The following RBFOX1 variants were observed in gnomAD, a reference collection of about 807,000 sequenced individuals.
RBFOX1 encodes the protein RNA binding protein fox-1 homolog 1.
In RBFOX1, 8 loss-of-function variants were observed where a neutral mutation model predicts 57.7. The ratio of observed to expected loss-of-function variants is 0.14; its 90% CI spans 0.08 to 0.25. The LOEUF is 0.25. RBFOX1 is among the 10% of genes least tolerant of loss of function. The probability of loss-of-function intolerance (pLI) is 1.00; values close to 1 mark genes in which losing one functional copy is unlikely to be tolerated. For synonymous variants in RBFOX1, 326 were observed against 222.4 expected (o/e 1.47, Z -4.15); for missense variants, 611 against 548.5 (o/e 1.11, Z -1.14).
chr16:7,031,079 G>A (rs776103271), intron 3 of RBFOX1, among the ~76,000 whole-genome samples: 1 of 152,176 alleles, frequency 6.6e-6, no homozygotes, highest in Non-Finnish European at 1.5e-5. Context: ...AAGGAGGGTA[G>A]CCAGGGTTGT....
chr16:7,619,473 C>G (rs1568128537), intron 10 of RBFOX1, among the ~76,000 whole-genome samples: 1 of 148,276 alleles, frequency 6.7e-6, no homozygotes, highest in African/African-American at 2.5e-5. Flanking sequence ...CTACTCTCAC[C>G]AAAAAAGTCA....
intron 14 of RBFOX1, among the ~76,000 whole-genome samples, chr16:7,683,276 A>G (rs940044533): frequency 1.3e-4 from 19 of 151,114 alleles, no homozygotes; most frequent in Non-Finnish European, 5.9e-5. Flanking sequence ...GCTGTAACTG[A>G]TAGATATATT....
chr16:6,689,394 G>T (rs2059897337), intron 3 of RBFOX1, among the ~76,000 whole-genome samples: 1 of 152,136 alleles, frequency 6.6e-6, no homozygotes, highest in African/African-American at 2.4e-5. Flanking sequence ...TTTATTTGAT[G>T]TGGGCAATAG....
chr16:6,968,812 G>C (rs1176793626), intron 3 of RBFOX1, among the ~76,000 whole-genome samples: 1 of 151,302 alleles, frequency 6.6e-6, no homozygotes, highest in African/African-American at 2.4e-5. Context: ...TATTAATCCA[G>C]GTTTTTTTGT....
chr16:7,289,390 G>A (rs1433786737), intron 4 of RBFOX1, among the ~76,000 whole-genome samples: 5 of 151,868 alleles, frequency 3.3e-5, no homozygotes, highest in South Asian at 2.1e-4. Context: ...TATCATTACC[G>A]ATACCAACAT....
At chr16:6,327,661 G>A (rs111377754) in intron 2 of RBFOX1, among the ~76,000 whole-genome samples, 1 of 152,040 alleles carries the variant, frequency 6.6e-6, no homozygotes, top group African/African-American at 2.4e-5. Flanking sequence ...GGGAATCTTG[G>A]TTAGAAAATA....
chr16:6,714,499 T>C (rs934706907), intron 3 of RBFOX1, among the ~76,000 whole-genome samples: 6 of 152,134 alleles, frequency 3.9e-5, no homozygotes, highest in Non-Finnish European at 8.8e-5. Context: ...CTTAGTATTA[T>C]CCTACCCAAG....
chr16:6,600,820 TA>T (rs1474434676), intron 2 of RBFOX1, among the ~76,000 whole-genome samples: 1 of 144,534 alleles, frequency 6.9e-6, no homozygotes, highest in Non-Finnish European at 1.6e-5. Context: ...AAAAAAAAGA[TA>T]GAAAAAAAAT....
exon 3 of RBFOX1, chr16:5,599,052 G>A (rs1472026086): frequency 8.3e-7 from 1 of 1,199,476 alleles, no homozygotes; most frequent in Non-Finnish European, 1.2e-6. Flanking sequence ...CAATCACCGG[G>A]AATGGTTTTT....
intron 4 of RBFOX1, among the ~76,000 whole-genome samples, chr16:7,076,540 G>C (rs1318638659): frequency 6.6e-6 from 1 of 152,028 alleles, no homozygotes; most frequent in Non-Finnish European, 1.5e-5. Flanking sequence ...CTTCTCACTT[G>C]ACTCAAATGG....
chr16:7,440,889 A>G (rs754860169), intron 4 of RBFOX1, among the ~76,000 whole-genome samples: 9 of 152,116 alleles, frequency 5.9e-5, no homozygotes, highest in African/African-American at 7.2e-5. Flanking sequence ...GTACAGCTCA[A>G]TTAGCCTGGC....
intron 1 of RBFOX1, chr16:5,270,995 G>C (rs1240848941): frequency 2.6e-5 from 8 of 308,916 alleles, no homozygotes; most frequent in Non-Finnish European, 4.2e-5. Flanking sequence ...AGCCCTATTT[G>C]TGAAAAACAA....
intron 2 of RBFOX1, among the ~76,000 whole-genome samples, chr16:6,532,491 T>G (rs1183461648): frequency 6.6e-6 from 1 of 152,188 alleles, no homozygotes; most frequent in Non-Finnish European, 1.5e-5. Context: ...AAGGCGATGT[T>G]TATTAAACAT....
chr16:6,473,863 T>A (rs962060356), intron 2 of RBFOX1, among the ~76,000 whole-genome samples: 5 of 152,198 alleles, frequency 3.3e-5, no homozygotes, highest in African/African-American at 1.2e-4. Context: ...TTTCTCTGAT[T>A]GGTCCGAAGT....
intron 2 of RBFOX1, among the ~76,000 whole-genome samples, chr16:5,487,532 G>C (rs1372151385): frequency 6.6e-6 from 1 of 152,206 alleles, no homozygotes; most frequent in African/African-American, 2.4e-5. Context: ...GGAAAGGTTG[G>C]TTGGTCTTGG....
At chr16:6,750,415 G>T (rs934622120) in intron 3 of RBFOX1, among the ~76,000 whole-genome samples, 1 of 152,184 alleles carries the variant, frequency 6.6e-6, no homozygotes, top group Admixed American at 6.5e-5. Flanking sequence ...GCTGAAACCA[G>T]GGTGGCTCAG....
chr16:7,471,529 T>G (rs2061553135), intron 4 of RBFOX1, among the ~76,000 whole-genome samples: 1 of 152,168 alleles, frequency 6.6e-6, no homozygotes, highest in South Asian at 2.1e-4. Flanking sequence ...CATAGTCCAG[T>G]TTACTTCTGA....
At chr16:7,684,671 C>G (rs1481946796) in intron 14 of RBFOX1, among the ~76,000 whole-genome samples, 2 of 151,060 alleles carry the variant, frequency 1.3e-5, no homozygotes, top group Non-Finnish European at 2.9e-5. Flanking sequence ...CCTCTCAATT[C>G]TTGCCTTTCA....
chr16:5,540,367 G>A (rs144882201), intron 2 of RBFOX1, among the ~76,000 whole-genome samples: 23 of 152,300 alleles, frequency 1.5e-4, no homozygotes, highest in African/African-American at 5.5e-4. Flanking sequence ...TATGAAGAGT[G>A]GGATAAAGTA....
Sources: gnomAD v4.1 joint callset for allele counts (sites outside exome capture counted in the v4.1 genomes callset) on GRCh38, gnomAD v4.1.1 for gene constraint, MANE v1.5 for transcripts, NCBI Gene and HGNC (gene_info 2026-07-23, HGNC 2026-07-21) for gene names.